Variants in MAN1A1 observed in about 807,000 individuals in gnomAD.
The protein encoded by MAN1A1 is mannosyl-oligosaccharide 1,2-alpha-mannosidase IA.
In MAN1A1, 29 loss-of-function variants were observed where a neutral mutation model predicts 70.8. The observed-to-expected ratio is 0.41, with a 90% CI of 0.31 to 0.56. The LOEUF (loss-of-function observed/expected upper bound fraction) is 0.56. Ranked by LOEUF, MAN1A1 falls within the 20% of genes least tolerant of loss-of-function variation. The probability of loss-of-function intolerance (pLI) is 0.29; values close to 1 mark genes in which losing one functional copy is unlikely to be tolerated. For missense variants in MAN1A1, 747 were observed against 841.3 expected, an observed-to-expected ratio of 0.89 and a Z score of 1.39; for synonymous variants, 349 against 330.1, an observed-to-expected ratio of 1.06 and a Z score of -0.62.
chr6:119,333,307 T>A (rs906079997), intron 2 of MAN1A1, among the ~76,000 whole-genome samples: 2 of 152,158 alleles, frequency 1.3e-5, no homozygotes, highest in East Asian at 3.8e-4. Context: ...AAAAAGGTGA[T>A]CCTTCTGAAC....
chr6:119,305,469 C>T (rs936698675), intron 3 of MAN1A1, among the ~76,000 whole-genome samples: 3 of 126,956 alleles, frequency 2.4e-5, no homozygotes, highest in Admixed American at 2.2e-4. Flanking sequence ...CCTCCCCTTA[C>T]CCATGTTAAC....
At chr6:119,314,090 T>C (rs1772786110) in intron 2 of MAN1A1, among the ~76,000 whole-genome samples, 1 of 152,230 alleles carries the variant, frequency 6.6e-6, no homozygotes, top group African/African-American at 2.4e-5. Flanking sequence ...TCTGTGGGCA[T>C]GTGGCTTCCC....
chr6:119,245,357 A>T (rs1490838577), intron 6 of MAN1A1, among the ~76,000 whole-genome samples: 1 of 152,180 alleles, frequency 6.6e-6, no homozygotes, highest in Non-Finnish European at 1.5e-5. Context: ...CTACGAAAGC[A>T]GCTCTAGGCC....
At chr6:119,181,874 C>A (rs773049100) in intron 11 of MAN1A1, among the ~76,000 whole-genome samples, 1 of 152,196 alleles carries the variant, frequency 6.6e-6, no homozygotes, top group Non-Finnish European at 1.5e-5. Flanking sequence ...GGATACACAT[C>A]ATCTTCTGTG....
At chr6:119,185,035 G>C (rs1018867535) in intron 11 of MAN1A1, among the ~76,000 whole-genome samples, 4 of 152,056 alleles carry the variant, frequency 2.6e-5, no homozygotes, top group Non-Finnish European at 4.4e-5. Context: ...GACTATAGGA[G>C]TGTGCCAGCA....
chr6:119,188,220 T>C (rs748627037), intron 11 of MAN1A1, among the ~76,000 whole-genome samples, 185 bp downstream of exon 11: 1 of 152,186 alleles, frequency 6.6e-6, no homozygotes, highest in Non-Finnish European at 1.5e-5. Context: ...ATCAATGTTA[T>C]ACAAAGCAAA....
chr6:119,349,745 G>T lies in MAN1A1; in HGVS notation c.-426C>A, dbSNP rs543687486. 1.9e-4 allele frequency: 191 copies of T among 985,536 alleles called. 3 individuals carry two copies. The South Asian group carries it at 3.6e-3, about 18-fold the overall frequency. The allele number at this position is 985,536 out of a possible 1,614,324, so 61.0% of individuals were successfully genotyped here. On this transcript the variant is annotated 5_prime_UTR_variant, in exon 1 of 13. Coordinates refer to ENST00000368468, the MANE Select transcript of MAN1A1 (RefSeq NM_005907.4). ...GTAGAGCAGCACGGTACACTCCGCCGCGGCCCCGCGAGCACTAATCTCACT... is the reference window on the plus strand; with the variant it reads ...GTAGAGCAGCACGGTACACTCCGCCTCGGCCCCGCGAGCACTAATCTCACT...
At chr6:119,270,471 T>A (rs922334295) in intron 5 of MAN1A1, among the ~76,000 whole-genome samples, 1 of 152,196 alleles carries the variant, frequency 6.6e-6, no homozygotes, top group Non-Finnish European at 1.5e-5. Context: ...TAGAACATTA[T>A]CATCATCTCA....
chr6:119,252,307 A>AT (rs1433812186), intron 5 of MAN1A1, among the ~76,000 whole-genome samples: 1 of 152,114 alleles, frequency 6.6e-6, no homozygotes, highest in Non-Finnish European at 1.5e-5. Context: ...CGCTTTATTA[A>AT]TTTTTTCCTA....
chr6:119,297,271 A>G (rs537361635), intron 4 of MAN1A1, among the ~76,000 whole-genome samples: 62 of 152,338 alleles, frequency 4.1e-4, no homozygotes, highest in Non-Finnish European at 7.5e-4. Context: ...CTATATAAAC[A>G]GATGACACAA....
chr6:119,209,349 T>C (rs1013567107), intron 6 of MAN1A1, among the ~76,000 whole-genome samples: 1 of 152,218 alleles, frequency 6.6e-6, no homozygotes, highest in Non-Finnish European at 1.5e-5. Context: ...AAAAATAATT[T>C]TCTTGAGAAT....
intron 2 of MAN1A1, among the ~76,000 whole-genome samples, chr6:119,345,198 G>A (rs200713773): frequency 1.4e-5 from 2 of 147,274 alleles, no homozygotes; most frequent in South Asian, 2.1e-4. Flanking sequence ...TTGAGGGGGG[G>A]GCGGAGCGGG....
At chr6:119,265,260 C>T (rs951370937) in intron 5 of MAN1A1, among the ~76,000 whole-genome samples, 1 of 151,924 alleles carries the variant, frequency 6.6e-6, no homozygotes, top group Admixed American at 6.6e-5. Flanking sequence ...ACCAATACAC[C>T]CAGCTAATTT....
At chr6:119,276,150 T>C (rs773577642) in intron 5 of MAN1A1, among the ~76,000 whole-genome samples, 7 of 152,220 alleles carry the variant, frequency 4.6e-5, no homozygotes, top group Non-Finnish European at 8.8e-5. Flanking sequence ...AAATCTTCCA[T>C]GGTTGACCCT....
At chr6:119,215,189 T>TA (rs1180677587) in intron 6 of MAN1A1, among the ~76,000 whole-genome samples, 2 of 149,830 alleles carry the variant, frequency 1.3e-5, no homozygotes, top group African/African-American at 4.9e-5. Flanking sequence ...CCTTAAAACT[T>TA]AAAGTATAAA....
intron 2 of MAN1A1, among the ~76,000 whole-genome samples, chr6:119,340,005 C>T (rs1243475032): frequency 3.3e-5 from 5 of 152,090 alleles, no homozygotes; most frequent in East Asian, 1.9e-4. Context: ...GCAGGAGAAT[C>T]GCCTGAACCT....
intron 4 of MAN1A1, among the ~76,000 whole-genome samples, chr6:119,294,205 A>C (rs1157191103): frequency 6.6e-6 from 1 of 152,122 alleles, no homozygotes; most frequent in East Asian, 1.9e-4. Flanking sequence ...ATTTTGTATG[A>C]AATCTGGATT....
chr6:119,223,436 G>T (rs1320540421), intron 6 of MAN1A1, among the ~76,000 whole-genome samples: 1 of 152,022 alleles, frequency 6.6e-6, no homozygotes, highest in African/African-American at 2.4e-5. Flanking sequence ...ACATTTCATA[G>T]GTGGCACTGA....
intron 2 of MAN1A1, among the ~76,000 whole-genome samples, chr6:119,319,390 A>AATCATCATC (rs759313732): frequency 1.4e-5 from 2 of 143,718 alleles, no homozygotes; most frequent in African/African-American, 5.1e-5. Flanking sequence ...TAATAATAAT[A>AATCATCATC]ATCATCATCA....
Sources: gnomAD v4.1 joint callset for allele counts (sites outside exome capture counted in the v4.1 genomes callset) on GRCh38, gnomAD v4.1.1 for gene constraint, MANE v1.5 for transcripts, NCBI Gene and HGNC (gene_info 2026-07-23, HGNC 2026-07-21) for gene names.